The following CENPE variants were observed in gnomAD, a reference collection of about 807,000 sequenced individuals.
The protein encoded by CENPE is centromere protein E.
CENPE carries 145 observed loss-of-function variants against 336.1 expected under a neutral mutation model. The ratio of observed to expected loss-of-function variants is 0.43; its 90% CI spans 0.38 to 0.50. The LOEUF (loss-of-function observed/expected upper bound fraction) is 0.50. Among genes scored for constraint, CENPE ranks in the 20% least tolerant of loss-of-function variants. CENPE has a pLI of 0.00. For missense variants in CENPE, 2,719 were observed against 3,023.3 expected, an observed-to-expected ratio of 0.90 and a Z score of 2.36; for synonymous variants, 1,013 against 984.8, an observed-to-expected ratio of 1.03 and a Z score of -0.54.
Position 103,195,480 on chromosome 4 carries a change from C to A in CENPE, c.358-247G>T, listed in dbSNP as rs74711319. On this transcript the variant is annotated intron_variant, in intron 4 of 48. Transcript: ENST00000265148. ...CTCAAACTCTAGGCTCAAAATAAAA[C>A]CCTCTCAAAAGATGTTCTTATTTTA... 0.012 allele frequency among the ~76,000 whole-genome samples: 1,760 copies of A among 152,160 alleles called. 14 individuals carry two copies. The highest frequency in any genetic ancestry group is 0.027 in the Middle Eastern group (8 of 294).
Position 103,182,877 on chromosome 4 carries a change from T to A in CENPE, c.848A>T (p.Tyr283Phe). ...SDGQVGGFIN[Y>F]RDSKLTRILQ... ...AATTCGTGTTAACTTGCTATCTCGATAATTTATGAAACCACTTAGCAAGGA... is the reference window on the plus strand; with the variant it reads ...AATTCGTGTTAACTTGCTATCTCGAAAATTTATGAAACCACTTAGCAAGGA... Residue 283 changes from tyrosine (Y) to phenylalanine (F), a missense_variant, in exon 11 of 49, where the codon TAT (tyrosine) becomes TTT (phenylalanine). By Grantham distance (22) the Tyr-to-Phe change is conservative. Around this residue, in one of 5 missense-constraint regions of CENPE, gnomAD observed 117 missense variants for 215.8 expected, o/e 0.54. Transcript: ENST00000265148. 6.2e-7 allele frequency: 1 copy of A among 1,612,478 alleles called. No homozygotes were observed. Among genetic ancestry groups the A allele is most frequent in the Non-Finnish European group, 8.5e-7 (1 of 1,179,154 alleles).
chr4:103,130,957 A>G (rs1252701374), intron 42 of CENPE, among the ~76,000 whole-genome samples: 3 of 151,648 alleles, frequency 2.0e-5, no homozygotes, highest in Admixed American at 1.3e-4. Context: ...AAATTAACTC[A>G]AGATGGATCA....
intron 44 of CENPE, among the ~76,000 whole-genome samples, chr4:103,118,572 C>T (rs1750344712): frequency 6.6e-6 from 1 of 152,100 alleles, no homozygotes; most frequent in African/African-American, 2.4e-5. Context: ...TTATGGATTG[C>T]ACTTCTTGTA....
At chr4:103,131,566 A>G (rs781338149) in intron 42 of CENPE, among the ~76,000 whole-genome samples, 1 of 152,196 alleles carries the variant, frequency 6.6e-6, no homozygotes, top group Non-Finnish European at 1.5e-5. Flanking sequence ...AAACTAAACA[A>G]ACTTTTACTG....
At chr4:103,113,120 G>A (rs1212126935) in intron 46 of CENPE, among the ~76,000 whole-genome samples, 3 of 90,802 alleles carry the variant, frequency 3.3e-5, no homozygotes, top group Non-Finnish European at 6.7e-5. Flanking sequence ...ATACTTATAA[G>A]TATATGTGTA....
chr4:103,146,044 T>C lies in CENPE; in HGVS notation c.4198A>G (p.Thr1400Ala), dbSNP rs1373514175. The C allele has an allele frequency of 1.9e-6, 3 of 1,613,798 alleles. No homozygotes were observed. Among genetic ancestry groups the C allele is most frequent in the Non-Finnish European group, 1.7e-6 (2 of 1,179,876 alleles). Residue 1400 changes from threonine (T) to alanine (A), a missense_variant, in exon 30 of 49, where the codon ACC (threonine) becomes GCC (alanine). Physicochemically the swap from Thr to Ala is moderately conservative, Grantham distance 58. Around this residue, in one of 5 missense-constraint regions of CENPE, gnomAD observed 2,437 missense variants for 2,513.3 expected, o/e 0.97. Coordinates refer to ENST00000265148, the MANE Select transcript of CENPE (RefSeq NM_001813.3). ...LNMKEKDNET[T>A]KIVSEMEQFK... ...TGCTCCATCTCACTCACGATTTTGG[T>C]AGTTTCATTGTCTTTTTCTTTCATA...
In CENPE at chr4:103,108,993, C is replaced by A. The variant is rs756931328; in HGVS notation, c.7821G>T (p.Lys2607Asn). ...HKQVTCENSP[K>N]SPKVTGTASK... ...AAGCTGTTCCAGTCACTTTAGGAGA[C>A]TTTGGAGAATTCTCACAAGTTACTT... Residue 2607 changes from lysine to asparagine, a missense_variant, in exon 48 of 49, where the codon AAG (lysine) becomes AAT (asparagine). Physicochemically the swap from Lys to Asn is moderately conservative, Grantham distance 94. Around this residue, in one of 5 missense-constraint regions of CENPE, gnomAD observed 2,437 missense variants for 2,513.3 expected, o/e 0.97. Coordinates refer to ENST00000265148, the MANE Select transcript of CENPE (RefSeq NM_001813.3). 3 of 1,613,698 alleles carry A rather than the reference C, an allele frequency of 1.9e-6. No homozygotes were observed. In the South Asian group the frequency reaches 3.3e-5, roughly 18 times the overall value.
chr4:103,180,631 T>C (rs950732908), intron 12 of CENPE, among the ~76,000 whole-genome samples, 162 bp from the exon 13 acceptor site: 1 of 152,204 alleles, frequency 6.6e-6, no homozygotes, highest in Non-Finnish European at 1.5e-5. Flanking sequence ...CAAAATGCAG[T>C]TACCATAATC....
intron 42 of CENPE, among the ~76,000 whole-genome samples, chr4:103,125,614 C>T (rs898801642): frequency 5.3e-5 from 8 of 152,006 alleles, no homozygotes; most frequent in African/African-American, 1.9e-4. Context: ...CCTGTAATCC[C>T]AGCACTCTGG....
chr4:103,113,024 GTATATAAGTGTA>G (rs1749671409), intron 46 of CENPE, among the ~76,000 whole-genome samples: 1 of 84,150 alleles, frequency 1.2e-5, no homozygotes, highest in Non-Finnish European at 2.2e-5. Context: ...ATACTTATAA[GTATATAAGTGTA>G]TATATATACT....
At chr4:103,107,620 C>T (rs775085153) in intron 48 of CENPE, among the ~76,000 whole-genome samples, 1 of 152,108 alleles carries the variant, frequency 6.6e-6, no homozygotes, top group East Asian at 1.9e-4. Flanking sequence ...TCCTGCAAGT[C>T]CCCCCACTTC....
At chr4:103,170,130 T>C (rs748348600) in intron 16 of CENPE, among the ~76,000 whole-genome samples, 4 of 152,070 alleles carry the variant, frequency 2.6e-5, no homozygotes, top group African/African-American at 4.8e-5. Context: ...CTGGGGCCTG[T>C]TGGGGATTGG....
intron 8 of CENPE, among the ~76,000 whole-genome samples, chr4:103,193,937 A>T (rs1757549819): frequency 6.6e-6 from 1 of 152,042 alleles, no homozygotes; most frequent in Admixed American, 6.6e-5. Flanking sequence ...ATAGAAAAAA[A>T]TTCTACTGCA....
At position 103,138,563 on chromosome 4, in the gene CENPE, T is replaced by C. The variant is rs1752272313; in HGVS notation, c.6205-114A>G. On this transcript the variant is annotated intron_variant, in intron 38 of 48. Transcript: ENST00000265148. ...ATTTCAATAATGGAATTAAATATTA[T>C]ACTTGTCACTCAAAAGCAATGTTAA... 12 of 714,642 alleles carry C rather than the reference T, an allele frequency of 1.7e-5. No homozygotes were observed. The Admixed American group carries it at 2.6e-4, about 15-fold the overall frequency. 44.3% of individuals were successfully genotyped at this position (714,642 alleles called of 1,614,324 possible).
chr4:103,161,272 A>T (rs1237568845), intron 19 of CENPE, 21 bp from the exon 20 acceptor site: 1 of 1,605,352 alleles, frequency 6.2e-7, no homozygotes, highest in South Asian at 1.1e-5. Flanking sequence ...AAACATTGCA[A>T]ATGCACAAAA....
At chr4:103,107,932 T>C (rs959251938) in intron 48 of CENPE, among the ~76,000 whole-genome samples, 2 of 152,208 alleles carry the variant, frequency 1.3e-5, no homozygotes, top group African/African-American at 2.4e-5. Flanking sequence ...ATGAAACAAT[T>C]CCTTTATATA....
intron 46 of CENPE, among the ~76,000 whole-genome samples, chr4:103,113,818 C>G (rs1222701826): frequency 6.6e-6 from 1 of 150,908 alleles, no homozygotes; most frequent in African/African-American, 2.4e-5. Flanking sequence ...CCATTGAGAT[C>G]TGCATCTTAG....
At position 103,116,758 on chromosome 4, in the gene CENPE, G is replaced by A. The variant is rs570467241; in HGVS notation, c.7330-69C>T. The stretch of plus-strand genomic sequence containing the variant: ...TTCAGTTTCTCCAGTTGTAAAGAAT[G>A]GTTAGCTGTCTTTGCTCTAATAAGG... On this transcript the variant is annotated intron_variant, in intron 44 of 48. Transcript: ENST00000265148. The A allele has an allele frequency of 1.3e-5, 10 of 766,004 alleles. No homozygotes were observed. In the East Asian group the frequency reaches 2.9e-4, roughly 22 times the overall value. The allele number at this position is 766,004 out of a possible 1,614,324, so 47.5% of individuals were successfully genotyped here.
Position 103,182,762 on chromosome 4 carries a change from C to T in CENPE, c.963G>A (p.Gln321=). 6.2e-7 allele frequency: 1 copy of T among 1,602,970 alleles called. No individual in the cohort carries two copies. The highest frequency in any genetic ancestry group is 8.5e-7 in the Non-Finnish European group (1 of 1,174,170). The change falls in exon 11 of 49, where the codon CAG becomes CAA. Residue 321 remains glutamine (Q), a splice_region_variant and synonymous_variant. Transcript: ENST00000265148. The part of the protein sequence containing the change: ...VSFDETLTAL[Q]FASTAKYMKN... ...AAGCTGAGATAAAAATCAAACTCAC[C>T]TGGAGAGCAGTAAGTGTTTCATCAA...
Sources: gnomAD v4.1 joint callset for allele counts (sites outside exome capture counted in the v4.1 genomes callset) on GRCh38, gnomAD v4.1.1 for gene constraint, gnomAD v4.1.1 regional missense constraint, MANE v1.5 for transcripts, NCBI Gene and HGNC (gene_info 2026-07-23, HGNC 2026-07-21) for gene names.